The following TMEM108 variants were observed in gnomAD, a reference collection of about 807,000 sequenced individuals.
The protein encoded by TMEM108 is cancer/testis antigen 124.
TMEM108 carries 12 observed loss-of-function variants against 35.1 expected under a neutral mutation model. That is an observed-to-expected ratio of 0.34 (90% CI 0.22 to 0.55). The LOEUF (loss-of-function observed/expected upper bound fraction) is 0.55, where lower values mean the gene tolerates loss of function less well. Ranked by LOEUF, TMEM108 falls within the 20% of genes least tolerant of loss-of-function variation. The pLI is 0.89. For synonymous variants in TMEM108, 287 were observed against 308.6 expected (o/e 0.93, Z 0.73); for missense variants, 680 against 753.3 (o/e 0.90, Z 1.14).
intron 2 of TMEM108, among the ~76,000 whole-genome samples, chr3:133,182,506 G>C (rs1466341278): frequency 6.6e-6 from 1 of 152,228 alleles, no homozygotes; most frequent in Non-Finnish European, 1.5e-5. Flanking sequence ...TTAGGTGATA[G>C]TATACTGATG....
At chr3:133,310,520 G>T (rs2071111278) in intron 3 of TMEM108, among the ~76,000 whole-genome samples, 1 of 110,822 alleles carries the variant, frequency 9.0e-6, no homozygotes, top group African/African-American at 3.3e-5. Flanking sequence ...GACTAGGATT[G>T]CAACCCCTGC....
intron 5 of TMEM108, among the ~76,000 whole-genome samples, chr3:133,394,163 T>A (rs2073273434): frequency 6.6e-6 from 1 of 152,176 alleles, no homozygotes; most frequent in African/African-American, 2.4e-5. Flanking sequence ...CTGCTGACCA[T>A]CTCTAGAGCA....
At chr3:133,265,942 A>G (rs892500668) in intron 3 of TMEM108, among the ~76,000 whole-genome samples, 1 of 152,202 alleles carries the variant, frequency 6.6e-6, no homozygotes, top group African/African-American at 2.4e-5. Context: ...GGTGCCTCTT[A>G]TATCAAGACC....
chr3:133,085,505 T>G lies in TMEM108; in HGVS notation c.-47+39485T>G, dbSNP rs912592884. On this transcript the variant is annotated intron_variant, in intron 2 of 5. Transcript: ENST00000321871. ...TAATTGTGTATAAGGATTTCCCCTT[T>G]CACTTTTAATTTTTTAATGCACGTT... Among the ~76,000 whole-genome samples the G allele has an allele frequency of 3.9e-5, 6 of 152,180 alleles. No individual in the cohort carries two copies. In the South Asian group the frequency reaches 1.2e-3, roughly 32 times the overall value.
In TMEM108 at chr3:133,237,305, G is replaced by T. The variant is rs1946252717; in HGVS notation, c.40+7954G>T. 3.9e-5 allele frequency among the ~76,000 whole-genome samples: 6 copies of T among 151,986 alleles called. No homozygotes were observed. In the South Asian group the frequency reaches 1.2e-3, roughly 32 times the overall value. ...TCCCACCCTACCCTGGATGCATTTG[G>T]ATACTAGCAATACTAGCTCCTGTTG... On this transcript the variant is annotated intron_variant, in intron 3 of 5. Coordinates refer to ENST00000321871, the MANE Select transcript of TMEM108 (RefSeq NM_023943.4).
chr3:133,379,851 C>A lies in TMEM108; in HGVS notation c.140C>A (p.Pro47Gln). The A allele has an allele frequency of 1.2e-6, 2 of 1,614,004 alleles. No homozygotes were observed. Among genetic ancestry groups the A allele is most frequent in the South Asian group, 2.2e-5 (2 of 91,072 alleles). ...SLQVLPSGTP[P>Q]GTMVTAPHSS... The stretch of plus-strand genomic sequence containing the variant: ...CAGGTCCTCCCTTCAGGCACTCCCC[C>A]GGGAACCATGGTGACAGCACCCCAC... Residue 47 changes from proline (P) to glutamine (Q), a missense_variant, in exon 4 of 6, where the codon CCG becomes CAG. Around this residue, in one of 3 missense-constraint regions of TMEM108, gnomAD observed 49 missense variants for 70.6 expected, o/e 0.69. Transcript: ENST00000321871.
At chr3:133,085,795 T>G (rs975624089) in intron 2 of TMEM108, among the ~76,000 whole-genome samples, 4 of 152,102 alleles carry the variant, frequency 2.6e-5, no homozygotes, top group Non-Finnish European at 1.5e-5. Flanking sequence ...GAATGGTGGT[T>G]TAGATTGTAT....
intron 2 of TMEM108, among the ~76,000 whole-genome samples, chr3:133,146,058 A>G (rs1030004710): frequency 6.6e-6 from 1 of 152,210 alleles, no homozygotes; most frequent in Non-Finnish European, 1.5e-5. Flanking sequence ...TTCAAAGGGA[A>G]TGCTTCCAAC....
chr3:133,178,013 T>A (rs550025022), intron 2 of TMEM108, among the ~76,000 whole-genome samples: 1 of 151,818 alleles, frequency 6.6e-6, no homozygotes, highest in East Asian at 1.9e-4. Context: ...TTCTTATACA[T>A]CAATAACAGA....
intron 3 of TMEM108, among the ~76,000 whole-genome samples, chr3:133,317,652 A>G (rs1004158406): frequency 1.3e-5 from 2 of 152,202 alleles, no homozygotes; most frequent in African/African-American, 2.4e-5. Context: ...GAGATGTTAT[A>G]TGGTGTGAAT....
At chr3:133,337,486 G>A (rs554338978) in intron 3 of TMEM108, among the ~76,000 whole-genome samples, 2 of 152,272 alleles carry the variant, frequency 1.3e-5, no homozygotes, top group South Asian at 2.1e-4. Flanking sequence ...GAACCACAGC[G>A]TTACTGGGCT....
At chr3:133,164,830 TG>T (rs1367096440) in intron 2 of TMEM108, among the ~76,000 whole-genome samples, 2 of 152,146 alleles carry the variant, frequency 1.3e-5, no homozygotes, top group Non-Finnish European at 2.9e-5. Flanking sequence ...TCATTTTTAT[TG>T]AAAAAAACAT....
At chr3:133,110,895 A>T (rs1430000281) in intron 2 of TMEM108, among the ~76,000 whole-genome samples, 2 of 152,198 alleles carry the variant, frequency 1.3e-5, no homozygotes, top group Non-Finnish European at 1.5e-5. Context: ...TTCCCAGGTG[A>T]TGCTAATGCT....
At chr3:133,292,557 T>C (rs1947087101) in intron 3 of TMEM108, among the ~76,000 whole-genome samples, 1 of 152,234 alleles carries the variant, frequency 6.6e-6, no homozygotes, top group Non-Finnish European at 1.5e-5. Flanking sequence ...GCTTATAAAA[T>C]GTGTCAGGCA....
At chr3:133,252,107 C>T (rs745465528) in intron 3 of TMEM108, among the ~76,000 whole-genome samples, 1 of 152,090 alleles carries the variant, frequency 6.6e-6, no homozygotes, top group Non-Finnish European at 1.5e-5. Flanking sequence ...TAATGACTGA[C>T]TGACCAGAAC....
At chr3:133,046,171 T>G (rs1943337904) in intron 2 of TMEM108, among the ~76,000 whole-genome samples, 151 bp downstream of exon 2, 1 of 152,212 alleles carries the variant, frequency 6.6e-6, no homozygotes, top group Non-Finnish European at 1.5e-5. Context: ...ATAGATACCA[T>G]GCAAATCAGC....
chr3:133,057,431 GTGTGTATATATATATATATATATATATA>G (rs1310165715), intron 2 of TMEM108, among the ~76,000 whole-genome samples: 1 of 42,450 alleles, frequency 2.4e-5, no homozygotes, highest in Admixed American at 3.1e-4. Context: ...TTGTGTGTGT[GTGTGTATATATATATATATATATATATA>G]TATATATATA....
chr3:133,359,804 C>T (rs568271060), intron 3 of TMEM108, among the ~76,000 whole-genome samples: 4 of 152,256 alleles, frequency 2.6e-5, no homozygotes, highest in Admixed American at 2.0e-4. Context: ...TCAATAGACA[C>T]TTACCATGTG....
chr3:133,390,720 A>G (rs16840308), intron 5 of TMEM108, among the ~76,000 whole-genome samples: 1,590 of 135,832 alleles, frequency 0.012, 33 homozygotes, highest in African/African-American at 0.039. Flanking sequence ...ACATCACCCA[A>G]AAACAAAGCC....
Sources: gnomAD v4.1 joint callset for allele counts (sites outside exome capture counted in the v4.1 genomes callset) on GRCh38, gnomAD v4.1.1 for gene constraint, gnomAD v4.1.1 regional missense constraint, MANE v1.5 for transcripts, NCBI Gene and HGNC (gene_info 2026-07-23, HGNC 2026-07-21) for gene names.